GABRB1: variants seen among roughly 807,000 people sequenced by gnomAD.
GABRB1 encodes the protein gamma-aminobutyric acid type A receptor subunit beta1.
GABRB1 carries 17 observed loss-of-function variants against 51.6 expected under a neutral mutation model. That is an observed-to-expected ratio of 0.33 (90% CI 0.23 to 0.49). The LOEUF is 0.49. GABRB1 is among the 20% of genes least tolerant of loss of function. The probability of loss-of-function intolerance (pLI) is 0.99; values close to 1 mark genes in which losing one functional copy is unlikely to be tolerated. For synonymous variants in GABRB1, 247 were observed against 218.9 expected (o/e 1.13, Z -1.14); for missense variants, 410 against 600.6 (o/e 0.68, Z 3.32).
rs573934859 is a variant in GABRB1, at chr4:47,067,770, G to T, written c.240+35286G>T. On this transcript the variant is annotated intron_variant, in intron 3 of 8. Coordinates refer to ENST00000295454, the MANE Select transcript of GABRB1 (RefSeq NM_000812.4). ...ATTTAAGTTCTGGGGTACATGTGCAGGATATGCAGGTTTGTTACATAGGTA... is the reference window on the plus strand; with the variant it reads ...ATTTAAGTTCTGGGGTACATGTGCATGATATGCAGGTTTGTTACATAGGTA... 9.2e-5 allele frequency among the ~76,000 whole-genome samples: 14 copies of T among 151,932 alleles called. 1 individual carries two copies. In the South Asian group the frequency reaches 2.9e-3, roughly 32 times the overall value.
intron 3 of GABRB1, among the ~76,000 whole-genome samples, chr4:47,120,705 G>A (rs550171387): frequency 3.3e-5 from 5 of 152,254 alleles, no homozygotes; most frequent in South Asian, 4.2e-4. Flanking sequence ...AATCATGCCA[G>A]GGCTAGGTCC....
At chr4:47,385,039 C>T (rs917476641) in intron 5 of GABRB1, among the ~76,000 whole-genome samples, 4 of 152,084 alleles carry the variant, frequency 2.6e-5, no homozygotes, top group Non-Finnish European at 4.4e-5. Context: ...TTACACTTTC[C>T]GGAGAATATT....
At chr4:47,361,088 C>A (rs1333391994) in intron 5 of GABRB1, among the ~76,000 whole-genome samples, 1 of 152,048 alleles carries the variant, frequency 6.6e-6, no homozygotes, top group South Asian at 2.1e-4. Context: ...GTTAATTTGG[C>A]TCCAGGTAAC....
intron 8 of GABRB1, among the ~76,000 whole-genome samples, chr4:47,420,269 C>G (rs563919130): frequency 6.6e-6 from 1 of 152,186 alleles, no homozygotes; most frequent in South Asian, 2.1e-4. Context: ...TCTAAATATA[C>G]CTACCACATA....
chr4:47,247,039 C>T (rs1371359080), intron 4 of GABRB1, among the ~76,000 whole-genome samples: 4 of 151,866 alleles, frequency 2.6e-5, no homozygotes, highest in Non-Finnish European at 4.4e-5. Context: ...TAAGTCCCAA[C>T]CATTTATCTT....
intron 4 of GABRB1, among the ~76,000 whole-genome samples, chr4:47,193,161 T>G (rs1719514208): frequency 6.6e-6 from 1 of 152,226 alleles, no homozygotes; most frequent in Admixed American, 6.5e-5. Context: ...TATTTTGTTC[T>G]GTTATTAAGA....
chr4:47,082,458 G>T (rs1362572919), intron 3 of GABRB1, among the ~76,000 whole-genome samples: 1 of 152,130 alleles, frequency 6.6e-6, no homozygotes, highest in Non-Finnish European at 1.5e-5. Flanking sequence ...TGTACTAGAT[G>T]TAAATCAGAA....
At chr4:47,379,467 A>C (rs917456327) in intron 5 of GABRB1, among the ~76,000 whole-genome samples, 1 of 152,184 alleles carries the variant, frequency 6.6e-6, no homozygotes, top group Non-Finnish European at 1.5e-5. Flanking sequence ...AACTAATGTA[A>C]GGTTTTTGAA....
At chr4:46,999,720 T>C (rs1489820131) in intron 1 of GABRB1, among the ~76,000 whole-genome samples, 1 of 152,206 alleles carries the variant, frequency 6.6e-6, no homozygotes, top group East Asian at 1.9e-4. Context: ...GTGCTAAAAC[T>C]CCTTCTGCTT....
chr4:47,403,390 T>A lies in GABRB1; in HGVS notation c.617T>A (p.Ile206Asn). 1 of 1,614,032 alleles carries A rather than the reference T, an allele frequency of 6.2e-7. No individual in the cohort carries two copies. Among genetic ancestry groups the A allele is most frequent in the Non-Finnish European group, 8.5e-7 (1 of 1,179,942 alleles). The change falls in exon 6 of 9, where the codon ATC becomes AAC. Residue 206 changes from isoleucine (I) to asparagine (N), a missense_variant. Physicochemically the swap from Ile to Asn is moderately radical, Grantham distance 149. Transcript: ENST00000295454. ...GGGGCAGTCACTGGTGTTAATAAAA[T>A]CGAACTTCCTCAATTTTCAATTGTT... ...GEGAVTGVNK[I>N]ELPQFSIVDY...
chr4:47,056,412 AAGG>A (rs1726607157), intron 3 of GABRB1, among the ~76,000 whole-genome samples: 1 of 152,182 alleles, frequency 6.6e-6, no homozygotes, highest in Non-Finnish European at 1.5e-5. Flanking sequence ...CTTTCATACC[AAGG>A]TTTGTGGTAG....
chr4:47,228,703 A>T (rs891263431), intron 4 of GABRB1, among the ~76,000 whole-genome samples: 1 of 152,090 alleles, frequency 6.6e-6, no homozygotes, highest in Non-Finnish European at 1.5e-5. Flanking sequence ...TTGAACTGTG[A>T]GACAGTGGCA....
chr4:47,392,633 T>C (rs4334731), intron 5 of GABRB1, among the ~76,000 whole-genome samples: 55,981 of 151,990 alleles, frequency 0.37, 11,337 homozygotes, highest in African/African-American at 0.53. Context: ...TGAGCCACCG[T>C]GCCCAGCCTC....
chr4:47,320,764 TTTTTTC>T (rs987489895), intron 5 of GABRB1, among the ~76,000 whole-genome samples: 4 of 88,020 alleles, frequency 4.5e-5, no homozygotes, highest in Admixed American at 3.0e-4. Flanking sequence ...TTTTCTTTTC[TTTTTTC>T]TTTTTTTTTT....
intron 5 of GABRB1, among the ~76,000 whole-genome samples, chr4:47,349,469 T>C (rs1281385514): frequency 6.6e-6 from 1 of 152,212 alleles, no homozygotes; most frequent in East Asian, 1.9e-4. Flanking sequence ...TCAACTGTGG[T>C]CTGAAAATCA....
chr4:47,210,615 C>T (rs1169063994), intron 4 of GABRB1, among the ~76,000 whole-genome samples: 1 of 152,060 alleles, frequency 6.6e-6, no homozygotes, highest in African/African-American at 2.4e-5. Flanking sequence ...AAATATAATA[C>T]TTGGAATATT....
intron 4 of GABRB1, among the ~76,000 whole-genome samples, chr4:47,208,827 A>C (rs1720241724): frequency 6.6e-6 from 1 of 152,098 alleles, no homozygotes; most frequent in South Asian, 2.1e-4. Flanking sequence ...AGTTGGGTCC[A>C]TCTGAGAAGA....
intron 3 of GABRB1, among the ~76,000 whole-genome samples, chr4:47,052,003 C>T (rs2109509012): frequency 6.6e-6 from 1 of 152,058 alleles, no homozygotes; most frequent in Non-Finnish European, 1.5e-5. Flanking sequence ...GTGTCACACA[C>T]CTGTAATTTC....
intron 5 of GABRB1, among the ~76,000 whole-genome samples, chr4:47,370,014 A>G (rs1458926780): frequency 6.6e-6 from 1 of 152,020 alleles, no homozygotes; most frequent in Non-Finnish European, 1.5e-5. Flanking sequence ...TAAACATATA[A>G]AGATGCTTCT....
Sources: gnomAD v4.1 joint callset for allele counts (sites outside exome capture counted in the v4.1 genomes callset) on GRCh38, gnomAD v4.1.1 for gene constraint, MANE v1.5 for transcripts, NCBI Gene and HGNC (gene_info 2026-07-23, HGNC 2026-07-21) for gene names.